Variants in LRRC4C observed in about 807,000 individuals in gnomAD.
LRRC4C encodes the protein leucine rich repeat containing 4C.
LRRC4C carries 5 observed loss-of-function variants against 33.6 expected under a neutral mutation model. The observed-to-expected ratio is 0.15, with a 90% CI of 0.08 to 0.31. The LOEUF is 0.31. Ranked by LOEUF, LRRC4C falls within the 10% of genes least tolerant of loss-of-function variation. LRRC4C has a pLI of 1.00. For synonymous variants in LRRC4C, 329 were observed against 302.0 expected, an observed-to-expected ratio of 1.09 and a Z score of -0.93; for missense variants, 560 against 796.7, an observed-to-expected ratio of 0.70 and a Z score of 3.58.
chr11:40,877,781 C>T (rs1462708335), intron 2 of LRRC4C, among the ~76,000 whole-genome samples: 1 of 152,182 alleles, frequency 6.6e-6, no homozygotes, highest in Non-Finnish European at 1.5e-5. Flanking sequence ...ACAACAACAA[C>T]AAACTCCAAA....
At chr11:40,414,450 T>G (rs1192507353) in intron 3 of LRRC4C, among the ~76,000 whole-genome samples, 1 of 152,182 alleles carries the variant, frequency 6.6e-6, no homozygotes, top group South Asian at 2.1e-4. Flanking sequence ...CTTACAGAGA[T>G]AATGATAAGC....
At chr11:41,366,312 A>G (rs1434479890) in intron 1 of LRRC4C, among the ~76,000 whole-genome samples, 4 of 152,096 alleles carry the variant, frequency 2.6e-5, no homozygotes, top group Non-Finnish European at 5.9e-5. Flanking sequence ...TAATCTGTAG[A>G]TATTTGGTTA....
intron 3 of LRRC4C, among the ~76,000 whole-genome samples, chr11:40,442,346 T>C (rs1436804289): frequency 1.3e-5 from 2 of 152,144 alleles, no homozygotes; most frequent in Admixed American, 6.5e-5. Flanking sequence ...ATGAGAACTT[T>C]ATTTATTTAC....
intron 1 of LRRC4C, among the ~76,000 whole-genome samples, chr11:41,223,660 C>A (rs1236478914): frequency 6.6e-6 from 1 of 152,070 alleles, no homozygotes; most frequent in Non-Finnish European, 1.5e-5. Context: ...GGAAAAATAG[C>A]TACAAAAAAA....
chr11:41,421,063 T>A (rs1470256493), intron 1 of LRRC4C, among the ~76,000 whole-genome samples: 1 of 152,026 alleles, frequency 6.6e-6, no homozygotes, highest in Non-Finnish European at 1.5e-5. Context: ...TCTTTACCTC[T>A]CTGTGCCTCA....
At chr11:40,398,220 AT>A (rs535450995) in intron 3 of LRRC4C, among the ~76,000 whole-genome samples, 63 of 152,214 alleles carry the variant, frequency 4.1e-4, no homozygotes, top group African/African-American at 1.5e-3. Context: ...GTATGGTACA[AT>A]TTTTGGATAA....
intron 1 of LRRC4C, among the ~76,000 whole-genome samples, chr11:41,417,947 TATATATACAA>T (rs56043693): frequency 0.25 from 38,056 of 150,602 alleles, 5,895 homozygotes; most frequent in Admixed American, 0.37. Flanking sequence ...TATATATACG[TATATATACAA>T]ATATATACAA....
At chr11:40,955,236 G>A (rs530808232) in intron 1 of LRRC4C, among the ~76,000 whole-genome samples, 50 of 151,868 alleles carry the variant, frequency 3.3e-4, no homozygotes, top group African/African-American at 1.2e-3. Context: ...TCAAAGCAGG[G>A]GACAAACGTG....
At chr11:40,992,434 G>T (rs201496168) in intron 1 of LRRC4C, among the ~76,000 whole-genome samples, 57 of 147,240 alleles carry the variant, frequency 3.9e-4, no homozygotes, top group Middle Eastern at 3.5e-3. Context: ...AACAAAAGTG[G>T]TTTTTTTTTT....
intron 4 of LRRC4C, among the ~76,000 whole-genome samples, chr11:40,263,651 G>A (rs965976097): frequency 3.3e-5 from 5 of 152,104 alleles, no homozygotes; most frequent in Non-Finnish European, 7.4e-5. Context: ...CACAGTGCTC[G>A]GCTCTGTCCT....
chr11:41,395,820 A>G (rs1953786529), intron 1 of LRRC4C, among the ~76,000 whole-genome samples: 1 of 151,962 alleles, frequency 6.6e-6, no homozygotes, highest in Non-Finnish European at 1.5e-5. Context: ...ACCCTCCAAC[A>G]CAAAGACTCA....
At chr11:40,294,684 G>A (rs983339885) in intron 4 of LRRC4C, among the ~76,000 whole-genome samples, 2 of 150,662 alleles carry the variant, frequency 1.3e-5, no homozygotes, top group African/African-American at 4.9e-5. Flanking sequence ...AAAATTAGCC[G>A]GGAGCGATGG....
intron 1 of LRRC4C, among the ~76,000 whole-genome samples, chr11:41,362,809 T>C (rs1422593909): frequency 6.6e-6 from 1 of 151,902 alleles, no homozygotes; most frequent in African/African-American, 2.4e-5. Flanking sequence ...TTTTGGCTCA[T>C]AACCCCTTCC....
chr11:41,061,625 G>C (rs1028912900), intron 1 of LRRC4C, among the ~76,000 whole-genome samples: 20 of 152,142 alleles, frequency 1.3e-4, no homozygotes, highest in Non-Finnish European at 1.5e-5. Flanking sequence ...CAAGTATCTA[G>C]TTCCCAGAAT....
At chr11:41,005,377 G>A (rs555583992) in intron 1 of LRRC4C, among the ~76,000 whole-genome samples, 1 of 152,174 alleles carries the variant, frequency 6.6e-6, no homozygotes, top group South Asian at 2.1e-4. Flanking sequence ...GCCAAGGTGG[G>A]TGGATCGCTT....
chr11:40,914,241 C>CA (rs879054503), intron 2 of LRRC4C, among the ~76,000 whole-genome samples: 2 of 151,956 alleles, frequency 1.3e-5, no homozygotes, highest in African/African-American at 4.8e-5. Flanking sequence ...AGAGACACAA[C>CA]AAAAAAAGAG....
intron 1 of LRRC4C, among the ~76,000 whole-genome samples, chr11:40,959,411 G>A (rs909245096): frequency 1.3e-5 from 2 of 151,236 alleles, no homozygotes; most frequent in Non-Finnish European, 3.0e-5. Context: ...AAGACACTTG[G>A]CCAACCTAAC....
At chr11:41,218,600 A>C (rs1347616486) in intron 1 of LRRC4C, among the ~76,000 whole-genome samples, 1 of 152,106 alleles carries the variant, frequency 6.6e-6, no homozygotes, top group Non-Finnish European at 1.5e-5. Context: ...AATTTTGTAG[A>C]TGTCTACTTT....
chr11:40,763,114 T>G (rs548592024), intron 2 of LRRC4C, among the ~76,000 whole-genome samples: 1 of 40,450 alleles, frequency 2.5e-5, no homozygotes, highest in African/African-American at 6.8e-5. Context: ...TATTTATGTA[T>G]GTGTGTGTAT....
Sources: allele counts gnomAD v4.1 joint callset (sites outside exome capture counted in the v4.1 genomes callset), GRCh38; gene constraint gnomAD v4.1.1; transcripts MANE v1.5; gene names NCBI Gene and HGNC (gene_info 2026-07-23, HGNC 2026-07-21).